CAMKMT: variants seen among roughly 807,000 people sequenced by gnomAD.
CAMKMT encodes the protein CaM KMT.
In CAMKMT, 53 loss-of-function variants were observed where a neutral mutation model predicts 48.0. The ratio of observed to expected loss-of-function variants is 1.10; its 90% confidence interval spans 0.89 to 1.39. The LOEUF (loss-of-function observed/expected upper bound fraction) is 1.39. Among genes scored for constraint, CAMKMT ranks in the 40% most tolerant of loss-of-function variants. The pLI is 0.00. For missense variants in CAMKMT, 428 were observed against 402.7 expected (o/e 1.06, Z -0.54); for synonymous variants, 165 against 152.3 (o/e 1.08, Z -0.61).
intron 3 of CAMKMT, among the ~76,000 whole-genome samples, chr2:44,663,711 C>T (rs1446545667): frequency 6.6e-6 from 1 of 152,076 alleles, no homozygotes; most frequent in Non-Finnish European, 1.5e-5. Flanking sequence ...TATTGTTCAC[C>T]CTCTTCAGTC....
chr2:44,632,872 A>G (rs560816644), intron 3 of CAMKMT, among the ~76,000 whole-genome samples: 1 of 152,190 alleles, frequency 6.6e-6, no homozygotes, highest in Non-Finnish European at 1.5e-5. Context: ...TCAGACTCCA[A>G]GTTCTTTAGT....
chr2:44,686,635 C>A (rs1676354942), intron 3 of CAMKMT, among the ~76,000 whole-genome samples: 1 of 152,078 alleles, frequency 6.6e-6, no homozygotes, highest in African/African-American at 2.4e-5. Flanking sequence ...TGGGCTTTGC[C>A]ATGAACACGT....
At chr2:44,732,234 A>G (rs1679114670) in intron 7 of CAMKMT, among the ~76,000 whole-genome samples, 1 of 152,180 alleles carries the variant, frequency 6.6e-6, no homozygotes, top group Non-Finnish European at 1.5e-5. Context: ...GATTACAGGC[A>G]TGAGCCATAG....
In CAMKMT at chr2:44,452,976, AATT is replaced by A. The variant is rs749072238; in HGVS notation, c.376+62677_376+62679del. 5.9e-5 allele frequency among the ~76,000 whole-genome samples: 9 copies of A among 152,144 alleles called. No individual in the cohort carries two copies. The East Asian group carries it at 1.3e-3, about 23-fold the overall frequency. Reference sequence around the variant, plus strand: ...ATATCCCATGCTAAATTATATGGTGAATTATTATACATTTGCTAGTTTAAAAGA... The same window carrying A: ...ATATCCCATGCTAAATTATATGGTGAATTATACATTTGCTAGTTTAAAAGA... On this transcript the variant is annotated intron_variant, in intron 3 of 10. Transcript: ENST00000378494.
At chr2:44,425,172 A>G (rs146021632) in intron 3 of CAMKMT, among the ~76,000 whole-genome samples, 2,657 of 152,308 alleles carry the variant, frequency 0.017, 68 homozygotes, top group African/African-American at 0.06. Flanking sequence ...AAATAAACAT[A>G]AAGAATAATG....
rs776899492 is a variant in CAMKMT, at chr2:44,772,034, A to T, written c.895-2A>T. The T allele has an allele frequency of 2.5e-6, 4 of 1,607,862 alleles. No homozygotes were observed. In the African/African-American group the frequency reaches 5.4e-5, roughly 22 times the overall value. ...CCTTTTTCTTTCTATTATTGTTTTC[A>T]GTTGAAAAAGGAAAACCCGGACATA... On this transcript the variant is annotated splice_acceptor_variant, in intron 10 of 10. Transcript: ENST00000378494. LOFTEE classifies it high-confidence loss of function.
intron 3 of CAMKMT, among the ~76,000 whole-genome samples, chr2:44,548,444 T>C (rs1021660610): frequency 1.3e-5 from 2 of 152,166 alleles, no homozygotes; most frequent in East Asian, 3.9e-4. Flanking sequence ...TCTCCTGTGG[T>C]AGGCAGAATT....
chr2:44,378,669 T>A (rs1679940159), intron 2 of CAMKMT, among the ~76,000 whole-genome samples: 1 of 152,158 alleles, frequency 6.6e-6, no homozygotes, highest in East Asian at 1.9e-4. Context: ...AATTTTTGTA[T>A]TTTTAGTAGA....
intron 3 of CAMKMT, among the ~76,000 whole-genome samples, chr2:44,455,028 C>T (rs552933863): frequency 7.9e-5 from 12 of 152,132 alleles, no homozygotes; most frequent in Admixed American, 3.9e-4. Flanking sequence ...AGAAGGGCAT[C>T]ATCACATTAG....
At chr2:44,673,625 G>A (rs770882744) in intron 3 of CAMKMT, among the ~76,000 whole-genome samples, 4 of 151,916 alleles carry the variant, frequency 2.6e-5, no homozygotes, top group Admixed American at 6.6e-5. Context: ...ATTTGGTGGC[G>A]GTAGCTATCT....
At chr2:44,478,142 C>G (rs1468148914) in intron 3 of CAMKMT, among the ~76,000 whole-genome samples, 2 of 152,100 alleles carry the variant, frequency 1.3e-5, no homozygotes, top group East Asian at 3.8e-4. Flanking sequence ...TAATTTTTTT[C>G]TAAAGAAACA....
At chr2:44,717,987 G>C (rs1217243267) in intron 7 of CAMKMT, among the ~76,000 whole-genome samples, 1 of 152,118 alleles carries the variant, frequency 6.6e-6, no homozygotes, top group Non-Finnish European at 1.5e-5. Flanking sequence ...GCAGACCCAG[G>C]TTGTGTGGGG....
intron 3 of CAMKMT, among the ~76,000 whole-genome samples, chr2:44,449,558 GTCATA>G (rs1667183288): frequency 1.3e-5 from 2 of 151,816 alleles, no homozygotes; most frequent in African/African-American, 2.4e-5. Context: ...CTTTTATCAT[GTCATA>G]TCATATTATC....
Position 44,657,160 on chromosome 2 carries a change from AT to A in CAMKMT, c.377-47122del, listed in dbSNP as rs1674424544. Among the ~76,000 whole-genome samples the A allele has an allele frequency of 6.6e-6, 1 of 152,208 alleles. No individual in the cohort carries two copies. Among genetic ancestry groups the A allele is most frequent in the South Asian group, 2.1e-4 (1 of 4,826 alleles). On this transcript the variant is annotated intron_variant, in intron 3 of 10. Transcript: ENST00000378494. The surrounding 1 kb of genome is among the most constrained non-coding windows in gnomAD (Gnocchi z 4.3). ...CAGCCCCACCTGAAATCCAGTTTGT[AT>A]GAGAGCCATATGAAGGCCATCCCGT... is the stretch of plus-strand genomic sequence containing the variant.
At chr2:44,485,809 A>G (rs1295522823) in intron 3 of CAMKMT, among the ~76,000 whole-genome samples, 1 of 152,218 alleles carries the variant, frequency 6.6e-6, no homozygotes, top group Non-Finnish European at 1.5e-5. Flanking sequence ...TTCCATTTGT[A>G]TAAAGTCCAA....
chr2:44,600,515 G>A (rs1181447094), intron 3 of CAMKMT, among the ~76,000 whole-genome samples: 1 of 151,942 alleles, frequency 6.6e-6, no homozygotes, highest in African/African-American at 2.4e-5. Context: ...GCCATCCTTC[G>A]ACCTCAGCCT....
At chr2:44,371,569 A>C (rs112568576) in intron 1 of CAMKMT, among the ~76,000 whole-genome samples, 3 of 152,144 alleles carry the variant, frequency 2.0e-5, no homozygotes, top group African/African-American at 7.2e-5. Context: ...AGATTTTTCT[A>C]TCATGGGAAA....
chr2:44,585,680 G>C (rs968267252), intron 3 of CAMKMT, among the ~76,000 whole-genome samples: 1 of 152,200 alleles, frequency 6.6e-6, no homozygotes, highest in Non-Finnish European at 1.5e-5. Context: ...TGACAATTGT[G>C]TACTTTATGA....
At chr2:44,658,503 C>G (rs866911264) in intron 3 of CAMKMT, among the ~76,000 whole-genome samples, 13 of 152,078 alleles carry the variant, frequency 8.5e-5, no homozygotes, top group East Asian at 3.9e-4. Context: ...TTTACAAAAG[C>G]GTGACGTCGC....
Sources: gnomAD v4.1 joint callset for allele counts (sites outside exome capture counted in the v4.1 genomes callset) on GRCh38, gnomAD v4.1.1 for gene constraint, Gnocchi (gnomAD v3.1) non-coding constraint, MANE v1.5 for transcripts, NCBI Gene and HGNC (gene_info 2026-07-23, HGNC 2026-07-21) for gene names.